Variants in EPHA5 observed in about 807,000 individuals in gnomAD.
EPHA5 encodes ephrin type-A receptor 5.
A neutral mutation model predicts 105.0 loss-of-function variants in EPHA5; 60 were observed. That is an observed-to-expected ratio of 0.57 (90% confidence interval 0.46 to 0.71). The LOEUF is 0.71. Among genes scored for constraint, EPHA5 ranks in the 30% least tolerant of loss-of-function variants. The probability of loss-of-function intolerance (pLI) is 0.00; values close to 1 mark genes in which losing one functional copy is unlikely to be tolerated. For missense variants in EPHA5, 1,218 were observed against 1,274.7 expected (o/e 0.96, Z 0.68); for synonymous variants, 513 against 449.1 (o/e 1.14, Z -1.80).
intron 2 of EPHA5, among the ~76,000 whole-genome samples, chr4:65,621,797 C>A (rs570835616): frequency 8.5e-5 from 13 of 152,148 alleles, no homozygotes; most frequent in African/African-American, 2.6e-4. Flanking sequence ...GGATTTAATC[C>A]TGGGAATATT....
At chr4:65,345,236 C>T (rs1722101891) in intron 14 of EPHA5, among the ~76,000 whole-genome samples, 1 of 152,138 alleles carries the variant, frequency 6.6e-6, no homozygotes, top group African/African-American at 2.4e-5. Context: ...CCTCCCCAAG[C>T]CAAGTAAGCA....
chr4:65,319,879 G>A lies in EPHA5; in HGVS notation c.*4235C>T. The A allele has an allele frequency of 4.3e-6, 1 of 229,952 alleles. No individual in the cohort carries two copies. Among genetic ancestry groups the A allele is most frequent in the East Asian group, 6.2e-5 (1 of 16,214 alleles). 14.2% of individuals were successfully genotyped at this position (229,952 alleles called of 1,614,324 possible). On this transcript the variant is annotated 3_prime_UTR_variant, in exon 17 of 17. Coordinates refer to ENST00000613740, the MANE Select transcript of EPHA5 (RefSeq NM_001281766.3). ...ACTACTCACTTTTAAATAATTGACT[G>A]TAAAACTACAGCAGCCTAAAGAGTC...
At chr4:65,385,316 A>G (rs1719977160) in intron 8 of EPHA5, among the ~76,000 whole-genome samples, 1 of 151,934 alleles carries the variant, frequency 6.6e-6, no homozygotes, top group Non-Finnish European at 1.5e-5. Flanking sequence ...ATTGAATCAC[A>G]TCTATCAGCA....
intron 5 of EPHA5, among the ~76,000 whole-genome samples, chr4:65,453,105 G>A (rs146719286): frequency 6.6e-4 from 101 of 152,152 alleles, no homozygotes; most frequent in Non-Finnish European, 1.1e-3. Context: ...TTTGATACTC[G>A]TAATGTAAGC....
chr4:65,420,417 C>T lies in EPHA5; in HGVS notation c.1527+24G>A, dbSNP rs746274870. 2.6e-6 allele frequency: 4 copies of T among 1,527,518 alleles called. No homozygotes were observed. The Admixed American group carries it at 6.8e-5, about 26-fold the overall frequency. 94.6% of individuals were successfully genotyped at this position (1,527,518 alleles called of 1,614,324 possible). On this transcript the variant is annotated intron_variant, in intron 6 of 16. Transcript: ENST00000613740. ...AATGAAAAAAAAAAGAAAGTGAGGA[C>T]ATTTTTTATTCTGTTAGTCTTACCT...
intron 15 of EPHA5, among the ~76,000 whole-genome samples, chr4:65,335,536 T>C (rs1005760730): frequency 2.0e-5 from 3 of 152,074 alleles, no homozygotes; most frequent in Non-Finnish European, 2.9e-5. Context: ...CAAAGAGTAA[T>C]TATTGCTAGA....
intron 2 of EPHA5, among the ~76,000 whole-genome samples, chr4:65,641,000 C>T (rs1393906731): frequency 2.0e-5 from 3 of 152,120 alleles, no homozygotes; most frequent in Non-Finnish European, 4.4e-5. Context: ...CAGACAATTG[C>T]CTCTCTTTTT....
intron 9 of EPHA5, 53 bp from the exon 10 acceptor site, chr4:65,366,110 A>AG: frequency 6.6e-7 from 1 of 1,507,666 alleles, no homozygotes; most frequent in Non-Finnish European, 9.1e-7. Flanking sequence ...GATGAGCAAA[A>AG]TTATGAACTT....
At chr4:65,527,189 G>C (rs1331163275) in intron 3 of EPHA5, among the ~76,000 whole-genome samples, 1 of 152,028 alleles carries the variant, frequency 6.6e-6, no homozygotes, top group Non-Finnish European at 1.5e-5. Context: ...TATATGTTGA[G>C]CCATATATTA....
chr4:65,352,057 G>A (rs1434939581), intron 12 of EPHA5, among the ~76,000 whole-genome samples: 1 of 151,986 alleles, frequency 6.6e-6, no homozygotes, highest in Non-Finnish European at 1.5e-5. Context: ...CAGTGATCAG[G>A]TCAATGTTAG....
At chr4:65,570,331 G>A (rs554748881) in intron 3 of EPHA5, among the ~76,000 whole-genome samples, 1 of 151,858 alleles carries the variant, frequency 6.6e-6, no homozygotes, top group Admixed American at 6.6e-5. Flanking sequence ...ATGAATTCAA[G>A]GCACTATTCC....
chr4:65,669,597 GC>G lies in EPHA5; in HGVS notation c.145del (p.Ala49HisfsTer13). ...PLWTCLLLCA[A>X]LRTLLASPSN... ...GGGGCTGGCCAGGAGGGTCCGGAGT[GC>G]GGCGCACAGGAGAAGGCACGTCCAG... On this transcript the variant is annotated frameshift_variant, in exon 1 of 17. Coordinates refer to ENST00000613740, the MANE Select transcript of EPHA5 (RefSeq NM_001281766.3). LOFTEE classifies it high-confidence loss of function. 1 of 1,436,084 alleles carries G rather than the reference GC, an allele frequency of 7.0e-7. No individual in the cohort carries two copies. The highest frequency in any genetic ancestry group is 9.2e-7 in the Non-Finnish European group (1 of 1,089,412). 89.0% of individuals were successfully genotyped at this position (1,436,084 alleles called of 1,614,324 possible).
intron 5 of EPHA5, among the ~76,000 whole-genome samples, chr4:65,421,413 A>G (rs1277172898): frequency 6.6e-6 from 1 of 152,150 alleles, no homozygotes; most frequent in Non-Finnish European, 1.5e-5. Context: ...AAGTACTAAC[A>G]TTACTGAAAT....
At chr4:65,456,249 G>T (rs1727572271) in intron 5 of EPHA5, among the ~76,000 whole-genome samples, 1 of 152,128 alleles carries the variant, frequency 6.6e-6, no homozygotes, top group Admixed American at 6.5e-5. Context: ...TACTGTATTT[G>T]CCTTCCTTGG....
intron 3 of EPHA5, among the ~76,000 whole-genome samples, chr4:65,531,071 C>T (rs1560655974): frequency 1.3e-5 from 2 of 149,782 alleles, no homozygotes; most frequent in Admixed American, 6.6e-5. Flanking sequence ...CGCTCTGTCG[C>T]CCAGGCCGGA....
rs2148798614 is a variant in EPHA5, at chr4:65,332,038, C to A, written c.2880G>T (p.Arg960=). ...CATTTTCCATGAAAATCTCTGTATA[C>A]CGGCCCATCTTGATTGCCTCTAGCC... ...GEWLEAIKMG[R]YTEIFMENGY... The change falls in exon 16 of 17, where the codon CGG becomes CGT. Residue 960 remains arginine (R), a synonymous_variant. Coordinates refer to ENST00000613740, the MANE Select transcript of EPHA5 (RefSeq NM_001281766.3). 1 of 1,611,910 alleles carries A rather than the reference C, an allele frequency of 6.2e-7. No individual in the cohort carries two copies. The highest frequency in any genetic ancestry group is 8.5e-7 in the Non-Finnish European group (1 of 1,178,658).
In EPHA5 at chr4:65,611,778, A is replaced by AT. The variant is rs76657686; in HGVS notation, c.247-9475dup. ...GCTATTCAACACAAATTTCCATCGC[A>AT]TTTTTTTTTGTTGGAAAACAGCCAC... On this transcript the variant is annotated intron_variant, in intron 2 of 16. Coordinates refer to ENST00000613740, the MANE Select transcript of EPHA5 (RefSeq NM_001281766.3). 1.1e-3 allele frequency among the ~76,000 whole-genome samples: 161 copies of AT among 150,556 alleles called. 1 individual carries two copies. Among genetic ancestry groups the AT allele is most frequent in the African/African-American group, 3.3e-3 (137 of 41,068 alleles).
intron 9 of EPHA5, among the ~76,000 whole-genome samples, 158 bp downstream of exon 9, chr4:65,367,199 C>T (rs533866361): frequency 2.1e-4 from 31 of 150,546 alleles, no homozygotes; most frequent in Admixed American, 1.1e-3. Context: ...TACCCAAGCC[C>T]GTATTCTTTA....
chr4:65,413,775 A>T (rs1267943141), intron 7 of EPHA5, among the ~76,000 whole-genome samples: 2 of 152,172 alleles, frequency 1.3e-5, no homozygotes, highest in Non-Finnish European at 2.9e-5. Context: ...AAAGTGATTC[A>T]AAAAGGGTGC....
Sources: allele counts gnomAD v4.1 joint callset (sites outside exome capture counted in the v4.1 genomes callset), GRCh38; gene constraint gnomAD v4.1.1; transcripts MANE v1.5; gene names NCBI Gene and HGNC (gene_info 2026-07-23, HGNC 2026-07-21).